Variants in CFAP44 observed in about 807,000 individuals in gnomAD.
CFAP44 encodes cilia- and flagella-associated protein 44.
In CFAP44, 134 loss-of-function variants were observed where a neutral mutation model predicts 216.2. The ratio of observed to expected loss-of-function variants is 0.62; its 90% CI spans 0.54 to 0.72. The LOEUF is 0.72. Among genes scored for constraint, CFAP44 ranks in the 30% least tolerant of loss-of-function variants. CFAP44 has a pLI of 0.00. For missense variants in CFAP44, 2,035 were observed against 2,182.1 expected (o/e 0.93, Z 1.34); for synonymous variants, 700 against 727.6 (o/e 0.96, Z 0.61).
intron 21 of CFAP44, 58 bp downstream of exon 21, chr3:113,363,087 C>G: frequency 6.9e-7 from 1 of 1,446,642 alleles, no homozygotes; most frequent in African/African-American, 1.4e-5. Context: ...GGAAAATAGT[C>G]ATCTCTATCC....
At chr3:113,301,228 T>C (rs12330209) in intron 32 of CFAP44, among the ~76,000 whole-genome samples, 37,861 of 152,130 alleles carry the variant, frequency 0.25, 4,916 homozygotes, top group African/African-American at 0.32. Flanking sequence ...TGAGAGTATG[T>C]TTCAAAAGGC....
chr3:113,312,945 G>A (rs865893347), intron 28 of CFAP44, among the ~76,000 whole-genome samples: 16 of 152,242 alleles, frequency 1.1e-4, no homozygotes, highest in African/African-American at 3.4e-4. Flanking sequence ...AGAACCTCTG[G>A]GGCAGTGTGG....
At position 113,400,566 on chromosome 3, in the gene CFAP44, T is replaced by C. The variant is rs1382679419; in HGVS notation, c.1453A>G (p.Met485Val). 1.9e-6 allele frequency: 3 copies of C among 1,606,192 alleles called. No individual in the cohort carries two copies. Among genetic ancestry groups the C allele is most frequent in the Non-Finnish European group, 2.6e-6 (3 of 1,176,276 alleles). The change falls in exon 12 of 35, where the codon ATG (methionine) becomes GTG (valine). Residue 485 changes from methionine to valine, a missense_variant. Physicochemically the swap from Met to Val is conservative, Grantham distance 21. Coordinates refer to ENST00000393845, the MANE Select transcript of CFAP44 (RefSeq NM_001164496.2). ...TTACAGTCCAAGGCAGTTGTGGCCATGAGATAAGTGAGAGGAGAAACAGCC... is the reference window on the plus strand; with the variant it reads ...TTACAGTCCAAGGCAGTTGTGGCCACGAGATAAGTGAGAGGAGAAACAGCC... ...AVAVSPLTYL[M>V]ATTALDCSVR...
At position 113,427,301 on chromosome 3, in the gene CFAP44, T is replaced by G; in HGVS notation, c.139A>C (p.Thr47Pro). The G allele has an allele frequency of 6.2e-7, 1 of 1,611,974 alleles. No individual in the cohort carries two copies. The highest frequency in any genetic ancestry group is 1.1e-5 in the South Asian group (1 of 90,296). Residue 47 changes from threonine (T) to proline (P), a missense_variant, in exon 3 of 35, where the codon ACA becomes CCA. By Grantham distance (38) the Thr-to-Pro change is conservative (BLOSUM62 -1). Transcript: ENST00000393845. ...QEDNTFLEDDTDETFTKGEGS... is the reference protein window; with the variant it reads ...QEDNTFLEDDPDETFTKGEGS... Reference sequence around the variant, plus strand: ...TCCCCTTTGGTAAATGTTTCATCTGTGTCATCTTCTAAAAATGTGTTATCT... The same window carrying G: ...TCCCCTTTGGTAAATGTTTCATCTGGGTCATCTTCTAAAAATGTGTTATCT...
Position 113,290,238 on chromosome 3 carries a change from T to C in CFAP44, c.*1319A>G, listed in dbSNP as rs899963681. 2.6e-5 allele frequency: 4 copies of C among 151,780 alleles called. No homozygotes were observed. Among genetic ancestry groups the C allele is most frequent in the Non-Finnish European group, 2.9e-5 (2 of 67,962 alleles). 9.4% of individuals were successfully genotyped at this position (151,780 alleles called of 1,614,324 possible). A position where few individuals can be genotyped will look rare whatever the true frequency, so the allele number is the denominator to read the frequency against. On this transcript the variant is annotated 3_prime_UTR_variant, in exon 35 of 35. Coordinates refer to ENST00000393845, the MANE Select transcript of CFAP44 (RefSeq NM_001164496.2). Reference sequence around the variant, plus strand: ...AGTAGAGAAGTGACTACATCAGAAATTAATGGTGACAAGTGCAAACAATAA... The same window carrying C: ...AGTAGAGAAGTGACTACATCAGAAACTAATGGTGACAAGTGCAAACAATAA...
intron 18 of CFAP44, among the ~76,000 whole-genome samples, chr3:113,369,864 T>A (rs928495884): frequency 1.1e-4 from 16 of 151,412 alleles, no homozygotes; most frequent in African/African-American, 3.9e-4. Context: ...AAGAGAGGAA[T>A]CAAATAGATG....
At chr3:113,423,477 C>A (rs1436527858) in intron 4 of CFAP44, among the ~76,000 whole-genome samples, 1 of 152,006 alleles carries the variant, frequency 6.6e-6, no homozygotes, top group Non-Finnish European at 1.5e-5. Context: ...CAGTGGCAGA[C>A]CCTTAGTAGA....
rs542280386 is a variant in CFAP44 at position 113,313,182 on chromosome 3, T to C, written c.4517-4914A>G. The stretch of plus-strand genomic sequence containing the variant: ...ACAGGGGTAGAGCTGCCCAAGACCA[T>C]GGGAACCCACCTCTTGGATGTGAGA... On this transcript the variant is annotated intron_variant, in intron 28 of 34. Transcript: ENST00000393845. Among the ~76,000 whole-genome samples the C allele has an allele frequency of 8.3e-4, 126 of 152,212 alleles. 1 individual carries two copies. Among genetic ancestry groups the C allele is most frequent in the African/African-American group, 2.8e-3 (117 of 41,510 alleles).
intron 2 of CFAP44, among the ~76,000 whole-genome samples, chr3:113,431,591 C>G (rs1204694145): frequency 2.0e-5 from 3 of 152,052 alleles, no homozygotes; most frequent in Admixed American, 6.6e-5. Context: ...GGAAAGAACT[C>G]TAGTGGTGGT....
chr3:113,321,821 A>T (rs1950148427), intron 28 of CFAP44, among the ~76,000 whole-genome samples: 1 of 152,230 alleles, frequency 6.6e-6, no homozygotes, highest in Admixed American at 6.5e-5. Flanking sequence ...GAGGTGAAAG[A>T]TCTCTACAAG....
intron 13 of CFAP44, among the ~76,000 whole-genome samples, chr3:113,398,448 A>G (rs1258819527): frequency 6.6e-6 from 1 of 152,200 alleles, no homozygotes; most frequent in Non-Finnish European, 1.5e-5. Context: ...GTAGCTTAAA[A>G]TCCATATGAT....
At chr3:113,359,093 G>A (rs1039826254) in intron 21 of CFAP44, among the ~76,000 whole-genome samples, 2 of 152,098 alleles carry the variant, frequency 1.3e-5, no homozygotes, top group African/African-American at 4.8e-5. Flanking sequence ...AAGCTACACA[G>A]TTTAAGATTT....
At position 113,327,688 on chromosome 3, in the gene CFAP44, C is replaced by A. The variant is rs561190033; in HGVS notation, c.4248G>T (p.Lys1416Asn). Residue 1416 changes from lysine (K) to asparagine (N), a missense_variant, in exon 27 of 35, where the codon AAG becomes AAT. By Grantham distance (94) the Lys-to-Asn change is moderately conservative. Coordinates refer to ENST00000393845, the MANE Select transcript of CFAP44 (RefSeq NM_001164496.2). ...GTATGTTCTCCTGTTTTTCAAAATT[C>A]TTCAGGAGAAGTATTTCTTGAAATA... is the stretch of plus-strand genomic sequence containing the variant. ...VTLFQEILLL[K>N]NFEKQENILQ... The A allele has an allele frequency of 1.3e-6, 2 of 1,536,926 alleles. No individual in the cohort carries two copies. Among genetic ancestry groups the A allele is most frequent in the East Asian group, 2.4e-5 (1 of 40,882 alleles).
chr3:113,392,470 G>C (rs1933870107), intron 15 of CFAP44, among the ~76,000 whole-genome samples: 1 of 122,524 alleles, frequency 8.2e-6, no homozygotes, highest in South Asian at 2.6e-4. Flanking sequence ...AAAATACATA[G>C]AATGAATAAG....
rs746602640 is a variant in CFAP44, at chr3:113,341,924, T to C, written c.3263-6A>G. The C allele has an allele frequency of 8.6e-6, 13 of 1,503,316 alleles. No individual in the cohort carries two copies. The highest frequency in any genetic ancestry group is 5.0e-5 in the East Asian group (2 of 39,838). 93.1% of individuals were successfully genotyped at this position (1,503,316 alleles called of 1,614,324 possible). A position where few individuals can be genotyped will look rare whatever the true frequency, so the allele number is the denominator to read the frequency against. On this transcript the variant is annotated splice_region_variant and splice_polypyrimidine_tract_variant and intron_variant, in intron 23 of 34. Transcript: ENST00000393845. ...TTGTATGGTAACACTCCCACCTACA[T>C]AGAGAATCAACATTTTTCAGCCTTT...
chr3:113,400,674 T>G, intron 11 of CFAP44, 30 bp from the exon 12 acceptor site: 1 of 1,569,416 alleles, frequency 6.4e-7, no homozygotes. Context: ...TTACTAGATC[T>G]CAAAGACAGA....
At chr3:113,401,778 G>T in intron 9 of CFAP44, 39 bp from the exon 10 acceptor site, 3 of 1,529,342 alleles carry the variant, frequency 2.0e-6, no homozygotes, top group East Asian at 2.4e-5. Flanking sequence ...TCGATCAGTA[G>T]TTTCTGAACA....
chr3:113,395,919 T>A, intron 14 of CFAP44, 59 bp from the exon 15 acceptor site: 1 of 1,298,422 alleles, frequency 7.7e-7, no homozygotes, highest in Non-Finnish European at 1.1e-6. Flanking sequence ...AGCCTATAGA[T>A]CACAAAAAAG....
At chr3:113,339,045 T>C (rs1950307136) in intron 24 of CFAP44, among the ~76,000 whole-genome samples, 2 of 152,318 alleles carry the variant, frequency 1.3e-5, no homozygotes, top group Middle Eastern at 3.4e-3. Context: ...CTGGATTGCC[T>C]TGCAAGCTAT....
Sources: allele counts gnomAD v4.1 joint callset (sites outside exome capture counted in the v4.1 genomes callset), GRCh38; gene constraint gnomAD v4.1.1; transcripts MANE v1.5; gene names NCBI Gene and HGNC (gene_info 2026-07-23, HGNC 2026-07-21).